HIP1: variants seen among roughly 807,000 people sequenced by gnomAD.
The protein encoded by HIP1 is huntingtin interacting protein 1.
Under a neutral mutation model 147.6 loss-of-function variants are expected in HIP1, and 65 were observed. That is an observed-to-expected ratio of 0.44 (90% CI 0.36 to 0.54). The LOEUF is 0.54. HIP1 is among the 20% of genes least tolerant of loss of function. The probability of loss-of-function intolerance (pLI) is 0.00; values close to 1 mark genes in which losing one functional copy is unlikely to be tolerated. For missense variants in HIP1, 1,061 were observed against 1,299.6 expected (o/e 0.82, Z 2.82); for synonymous variants, 479 against 504.0 (o/e 0.95, Z 0.67).
intron 1 of HIP1, among the ~76,000 whole-genome samples, chr7:75,629,740 C>G (rs1269758489): frequency 6.6e-6 from 1 of 152,086 alleles, no homozygotes; most frequent in East Asian, 1.9e-4. Context: ...CGGGTTTTCT[C>G]CATGTTGGTC....
chr7:75,650,807 T>A (rs1269779092), intron 1 of HIP1, among the ~76,000 whole-genome samples: 2 of 152,100 alleles, frequency 1.3e-5, no homozygotes, highest in Non-Finnish European at 2.9e-5. Context: ...CAGAGTCGCC[T>A]GTAGTGGCTC....
intron 1 of HIP1, among the ~76,000 whole-genome samples, chr7:75,678,816 T>C (rs547230783): frequency 1.4e-3 from 217 of 152,308 alleles, no homozygotes; most frequent in African/African-American, 4.9e-3. Context: ...TGCAGGCCAC[T>C]GCATCATTGA....
rs543606201 is a variant in HIP1, at chr7:75,681,366, A to G, written c.120+57435T>C. On this transcript the variant is annotated intron_variant, in intron 1 of 30. Transcript: ENST00000336926. ...TGCACATGCTGGGACCACCACCAAG[A>G]AGGCTCTTCTTGACCTCCTCTACCA... is the stretch of plus-strand genomic sequence containing the variant. 7.8e-4 allele frequency among the ~76,000 whole-genome samples: 118 copies of G among 151,808 alleles called. 2 individuals are homozygous for G. The South Asian group carries it at 0.024, about 31-fold the overall frequency.
chr7:75,604,750 G>A (rs1042489461), intron 1 of HIP1, among the ~76,000 whole-genome samples: 2 of 152,148 alleles, frequency 1.3e-5, no homozygotes, highest in African/African-American at 2.4e-5. Flanking sequence ...GGCCTCTAGG[G>A]AGGACCCATG....
intron 7 of HIP1, 86 bp downstream of exon 7, chr7:75,581,151 G>A (rs936854907): frequency 5.1e-5 from 52 of 1,019,928 alleles, no homozygotes; most frequent in Non-Finnish European, 3.6e-5. Flanking sequence ...CCTACCCCTT[G>A]TGCTGCACAC....
At chr7:75,581,010 A>G (rs1050759596) in intron 7 of HIP1, among the ~76,000 whole-genome samples, 3 of 152,096 alleles carry the variant, frequency 2.0e-5, no homozygotes, top group Non-Finnish European at 2.9e-5. Context: ...CCAAAGTGCT[A>G]GGATTACAGG....
At chr7:75,595,333 C>T (rs939166520) in intron 2 of HIP1, among the ~76,000 whole-genome samples, 1 of 144,508 alleles carries the variant, frequency 6.9e-6, no homozygotes, top group Non-Finnish European at 1.5e-5. Context: ...CTCTCTCTCT[C>T]GTTCGTTCTT....
intron 3 of HIP1, 129 bp downstream of exon 3, chr7:75,592,243 C>G (rs1796522862): frequency 1.4e-6 from 2 of 1,408,456 alleles, no homozygotes; most frequent in Non-Finnish European, 2.0e-6. Flanking sequence ...TCACCCAACT[C>G]TAATGGGGAA....
Position 75,543,243 on chromosome 7 carries a change from C to A in HIP1, c.2767-269G>T, listed in dbSNP as rs587734171. On this transcript the variant is annotated intron_variant, in intron 27 of 30. Coordinates refer to ENST00000336926, the MANE Select transcript of HIP1 (RefSeq NM_005338.7). ...AGTTGTGGAAACCAATTTGGGATGACAAGAAATAAGGACAAATAAAGAACA... is the reference window on the plus strand; with the variant it reads ...AGTTGTGGAAACCAATTTGGGATGAAAAGAAATAAGGACAAATAAAGAACA... Among the ~76,000 whole-genome samples, 10 of 151,988 alleles carry A rather than the reference C, an allele frequency of 6.6e-5. No homozygotes were observed. In the East Asian group the frequency reaches 1.5e-3, roughly 23 times the overall value.
chr7:75,592,172 G>T, intron 3 of HIP1, 60 bp from the exon 4 acceptor site: 1 of 1,538,842 alleles, frequency 6.5e-7, no homozygotes. Flanking sequence ...ACAAAGGGAA[G>T]GAGGATGGAG....
At chr7:75,560,041 C>T (rs1554494295) in intron 13 of HIP1, 126 bp from the exon 14 acceptor site, 6 of 929,818 alleles carry the variant, frequency 6.5e-6, no homozygotes, top group Non-Finnish European at 7.8e-6. Flanking sequence ...CTCTCCACGT[C>T]CCAGGAGGGT....
intron 2 of HIP1, among the ~76,000 whole-genome samples, chr7:75,594,032 A>G (rs1796597266): frequency 6.6e-6 from 1 of 151,826 alleles, no homozygotes; most frequent in South Asian, 2.1e-4. Context: ...CTCCAATCCC[A>G]GCACTTTGGG....
intron 2 of HIP1, among the ~76,000 whole-genome samples, chr7:75,598,008 C>T (rs1796814009): frequency 1.3e-5 from 2 of 152,102 alleles, no homozygotes; most frequent in Non-Finnish European, 2.9e-5. Flanking sequence ...TCACCCATTC[C>T]CTAATCCACT....
Position 75,546,817 on chromosome 7 carries a change from G to C in HIP1, c.2559+122C>G, listed in dbSNP as rs41281072. ...CCAGGGCCTCTGCTGATATCTACAG[G>C]AGTGGCTGCTCTGTACTCAGGTGGA... is the stretch of plus-strand genomic sequence containing the variant. On this transcript the variant is annotated intron_variant, in intron 25 of 30. Coordinates refer to ENST00000336926, the MANE Select transcript of HIP1 (RefSeq NM_005338.7). 4,715 of 697,610 alleles carry C rather than the reference G, an allele frequency of 6.8e-3. 32 individuals are homozygous for C. The highest frequency in any genetic ancestry group is 7.0e-3 in the Non-Finnish European group (2,844 of 407,582). 43.2% of individuals were successfully genotyped at this position (697,610 alleles called of 1,614,324 possible). A position where few individuals can be genotyped will look rare whatever the true frequency, so the allele number is the denominator to read the frequency against.
chr7:75,547,648 G>A, intron 24 of HIP1, 107 bp downstream of exon 24: 1 of 861,578 alleles, frequency 1.2e-6, no homozygotes, highest in Non-Finnish European at 2.0e-6. Context: ...CCTTCCCCGT[G>A]GCTGCTACTG....
chr7:75,563,277 A>G lies in HIP1; in HGVS notation c.804-14T>C, dbSNP rs1554494956. On this transcript the variant is annotated splice_polypyrimidine_tract_variant and intron_variant, in intron 9 of 30. Transcript: ENST00000336926. ...AGATCTTTCAACCTAGGGGTGGAGA[A>G]GGACCTGAGGGGTGCTGGGTGTCTT... 3 of 1,613,494 alleles carry G rather than the reference A, an allele frequency of 1.9e-6. No individual in the cohort carries two copies. The East Asian group carries it at 6.7e-5, about 36-fold the overall frequency.
chr7:75,591,079 C>T (rs1796485671), intron 4 of HIP1, among the ~76,000 whole-genome samples: 2 of 151,134 alleles, frequency 1.3e-5, no homozygotes, highest in South Asian at 4.2e-4. Flanking sequence ...GTCACCCAGG[C>T]TGGAGTGCAG....
At chr7:75,669,093 T>C (rs139790402) in intron 1 of HIP1, among the ~76,000 whole-genome samples, 10,097 of 149,290 alleles carry the variant, frequency 0.068, 578 homozygotes, top group Admixed American at 0.18. Flanking sequence ...AGGCCGGGTG[T>C]GGTGGCTCAC....
intron 1 of HIP1, among the ~76,000 whole-genome samples, chr7:75,716,160 C>G (rs1369434130): frequency 2.0e-5 from 3 of 152,108 alleles, no homozygotes; most frequent in East Asian, 3.8e-4. Flanking sequence ...CCACATCACC[C>G]TATAATTACT....
Sources: gnomAD v4.1 joint callset for allele counts (sites outside exome capture counted in the v4.1 genomes callset) on GRCh38, gnomAD v4.1.1 for gene constraint, MANE v1.5 for transcripts, NCBI Gene and HGNC (gene_info 2026-07-23, HGNC 2026-07-21) for gene names.